The following COPE variants were observed in gnomAD, a reference collection of about 807,000 sequenced individuals.
COPE encodes the protein coat protein complex I subunit epsilon.
A neutral mutation model predicts 42.1 loss-of-function variants in COPE; 19 were observed. That is an observed-to-expected ratio of 0.45 (90% CI 0.31 to 0.66). The LOEUF (loss-of-function observed/expected upper bound fraction) is 0.66, where lower values mean the gene tolerates loss of function less well. Among genes scored for constraint, COPE ranks in the 30% least tolerant of loss-of-function variants. The pLI is 0.05. For missense variants in COPE, 402 were observed against 416.1 expected (o/e 0.97, Z 0.30); for synonymous variants, 195 against 181.3 (o/e 1.08, Z -0.60).
chr19:18,902,767 G>GGAAAGGAA (rs1369167242), intron 7 of COPE, among the ~76,000 whole-genome samples: 8 of 29,074 alleles, frequency 2.8e-4, no homozygotes, highest in African/African-American at 5.2e-4. Flanking sequence ...AAGGAAGGAA[G>GGAAAGGAA]GGAAAGAAGG....
At chr19:18,904,315 C>G (rs1373317006) in intron 6 of COPE, among the ~76,000 whole-genome samples, 1 of 152,232 alleles carries the variant, frequency 6.6e-6, no homozygotes, top group Non-Finnish European at 1.5e-5. Context: ...AGAAGGGGGC[C>G]AAGTCCCAGA....
intron 3 of COPE, 25 bp from the exon 4 acceptor site, chr19:18,907,137 C>A (rs371709319): frequency 6.2e-5 from 99 of 1,604,652 alleles, no homozygotes; most frequent in Non-Finnish European, 1.1e-5. Context: ...TGCTCACGAC[C>A]CACAGCTGGG....
At chr19:18,916,527 T>C (rs1021611249) in intron 1 of COPE, among the ~76,000 whole-genome samples, 1 of 151,594 alleles carries the variant, frequency 6.6e-6, no homozygotes. Flanking sequence ...CGGTAACTCA[T>C]GCCTATAATC....
intron 4 of COPE, chr19:18,905,980 C>T (rs1392445156): frequency 3.1e-5 from 14 of 449,218 alleles, no homozygotes; most frequent in Non-Finnish European, 4.7e-5. Context: ...AGGAGGGCCA[C>T]GCACCCGCCC....
At chr19:18,916,416 G>A (rs947979171) in intron 1 of COPE, among the ~76,000 whole-genome samples, 13 of 151,936 alleles carry the variant, frequency 8.6e-5, no homozygotes, top group African/African-American at 3.1e-4. Flanking sequence ...CACTGTGGGA[G>A]GCTGAGGCGG....
At chr19:18,917,241 CT>C (rs531312180) in intron 1 of COPE, among the ~76,000 whole-genome samples, 15,964 of 110,534 alleles carry the variant, frequency 0.14, 634 homozygotes, top group African/African-American at 0.21. Context: ...TTCTTTTTTT[CT>C]TTTTTTTTTT....
chr19:18,913,655 G>T (rs1451757605), intron 1 of COPE, among the ~76,000 whole-genome samples: 3 of 152,218 alleles, frequency 2.0e-5, no homozygotes, highest in Admixed American at 2.0e-4. Context: ...CCGGAGGCTG[G>T]CTGACTTCCC....
At chr19:18,915,563 G>A (rs923544734) in intron 1 of COPE, among the ~76,000 whole-genome samples, 1 of 152,224 alleles carries the variant, frequency 6.6e-6, no homozygotes, top group African/African-American at 2.4e-5. Context: ...CGATCACCTG[G>A]GAGCCCAGGA....
rs1433084287 is a variant in COPE, at chr19:18,907,077, C to T, written c.326G>A (p.Ser109Asn). Reference sequence around the variant, plus strand: ...GGTGTTGGTCACGTCCACGCTCCTGCTCATCTCTCGGTCCAGCTCGGCCAC... The same window carrying T: ...GGTGTTGGTCACGTCCACGCTCCTGTTCATCTCTCGGTCCAGCTCGGCCAC... ...SIVAELDREM[S>N]RSVDVTNTTF... Residue 109 changes from serine (S) to asparagine (N), a missense_variant, in exon 4 of 10, where the codon AGC becomes AAC. Transcript: ENST00000262812. 1.2e-6 allele frequency: 2 copies of T among 1,611,762 alleles called. No individual in the cohort carries two copies. Among genetic ancestry groups the T allele is most frequent in the South Asian group, 2.2e-5 (2 of 90,676 alleles).
At chr19:18,900,066 G>T in intron 8 of COPE, 119 bp from the exon 9 acceptor site, 1 of 830,006 alleles carries the variant, frequency 1.2e-6, no homozygotes, top group Non-Finnish European at 1.9e-6. Context: ...TCCTCACCCT[G>T]CCTTGGGACT....
At chr19:18,913,492 C>A (rs1411056421) in intron 1 of COPE, among the ~76,000 whole-genome samples, 1 of 152,222 alleles carries the variant, frequency 6.6e-6, no homozygotes, top group East Asian at 1.9e-4. Context: ...TTGGGCCACA[C>A]CCCCACAGCC....
intron 7 of COPE, among the ~76,000 whole-genome samples, chr19:18,900,953 A>G (rs969668909): frequency 2.6e-5 from 4 of 152,224 alleles, no homozygotes; most frequent in African/African-American, 7.2e-5. Flanking sequence ...CTTGGAGCAC[A>G]GACACACCAA....
intron 4 of COPE, 73 bp from the exon 5 acceptor site, chr19:18,905,702 T>G: frequency 1.4e-6 from 2 of 1,440,318 alleles, no homozygotes; most frequent in Non-Finnish European, 1.9e-6. Context: ...CACCCAGGGC[T>G]CACTGTGTGT....
intron 5 of COPE, 115 bp downstream of exon 5, chr19:18,905,461 A>G (rs1215258169): frequency 1.1e-5 from 12 of 1,087,626 alleles, no homozygotes; most frequent in Admixed American, 3.0e-5. Context: ...CCCCCATGGA[A>G]AGGAAAGACA....
chr19:18,901,444 A>G (rs113913266), intron 7 of COPE, among the ~76,000 whole-genome samples: 1,529 of 152,316 alleles, frequency 0.01, 18 homozygotes, highest in African/African-American at 0.033. Context: ...TCAGGCTGGG[A>G]GTTCCTGACT....
At chr19:18,904,000 T>C (rs62138066) in intron 6 of COPE, among the ~76,000 whole-genome samples, 46,119 of 152,184 alleles carry the variant, frequency 0.3, 8,827 homozygotes, top group Admixed American at 0.47. Context: ...AGTTTCACTC[T>C]TGTTGCTCAG....
chr19:18,900,813 C>G (rs2056691785), intron 7 of COPE, among the ~76,000 whole-genome samples: 1 of 152,200 alleles, frequency 6.6e-6, no homozygotes, highest in Non-Finnish European at 1.5e-5. Context: ...CACCCCTGCA[C>G]CAGCTCCCAA....
chr19:18,913,268 G>C (rs2056827477), intron 1 of COPE, among the ~76,000 whole-genome samples: 1 of 152,218 alleles, frequency 6.6e-6, no homozygotes, highest in African/African-American at 2.4e-5. Context: ...CACCACCCCA[G>C]GAAGGAGGCT....
At chr19:18,902,179 CAAA>C (rs34747007) in intron 7 of COPE, among the ~76,000 whole-genome samples, 35 of 108,128 alleles carry the variant, frequency 3.2e-4, no homozygotes, top group South Asian at 6.6e-4. Flanking sequence ...GACTCCATCT[CAAA>C]AAAAAAAAAA....
Sources: allele counts gnomAD v4.1 joint callset (sites outside exome capture counted in the v4.1 genomes callset), GRCh38; gene constraint gnomAD v4.1.1; transcripts MANE v1.5; gene names NCBI Gene and HGNC (gene_info 2026-07-23, HGNC 2026-07-21).